Variants in ATL2 observed in about 807,000 individuals in gnomAD.
ATL2 encodes the protein atlastin-2.
In ATL2, 31 loss-of-function variants were observed where a neutral mutation model predicts 73.9. The observed-to-expected ratio is 0.42, with a 90% CI of 0.32 to 0.57. The LOEUF (loss-of-function observed/expected upper bound fraction) is 0.57, where lower values mean the gene tolerates loss of function less well. Among genes scored for constraint, ATL2 ranks in the 20% least tolerant of loss-of-function variants. The pLI is 0.14. For synonymous variants in ATL2, 291 were observed against 237.5 expected (o/e 1.23, Z -2.07); for missense variants, 738 against 702.6 (o/e 1.05, Z -0.57).
intron 2 of ATL2, among the ~76,000 whole-genome samples, chr2:38,336,762 C>T (rs1163023618): frequency 6.6e-6 from 1 of 152,280 alleles, no homozygotes; most frequent in East Asian, 1.9e-4. Context: ...ATTATCACTG[C>T]ACAGGGTTAT....
At chr2:38,378,400 C>A (rs1436824764), upstream of ATL2, among the ~76,000 whole-genome samples, 3 of 152,202 alleles carry the variant, frequency 2.0e-5, no homozygotes, top group African/African-American at 7.2e-5. Flanking sequence ...CCACCACACC[C>A]TGCTAATTTT....
intron 1 of ATL2, among the ~76,000 whole-genome samples, chr2:38,367,836 T>C (rs186691067): frequency 6.6e-6 from 1 of 151,842 alleles, no homozygotes; most frequent in African/African-American, 2.4e-5. Context: ...TTTCACCATG[T>C]TGTCCGGGCT....
At chr2:38,319,115 A>C in intron 2 of ATL2, 96 bp from the exon 3 acceptor site, 1 of 1,342,430 alleles carries the variant, frequency 7.4e-7, no homozygotes, top group Non-Finnish European at 1.0e-6. Context: ...TGGGGAAGCT[A>C]AACCCGGAAA....
intron 4 of ATL2, among the ~76,000 whole-genome samples, chr2:38,317,919 A>C (rs1302722458): frequency 1.3e-5 from 2 of 152,250 alleles, no homozygotes; most frequent in African/African-American, 4.8e-5. Context: ...AAAACCATGC[A>C]TGGAAATGTA....
chr2:38,343,135 G>A, intron 2 of ATL2, 133 bp downstream of exon 2: 2 of 829,404 alleles, frequency 2.4e-6, no homozygotes, highest in South Asian at 2.3e-5. Flanking sequence ...GTAACAGAGT[G>A]AGACCACTTA....
chr2:38,318,631 C>T lies in ATL2; in HGVS notation c.507G>A (p.Val169=). ...IDRPNGTKVA[V]LLMDTQGAFD... is the part of the protein sequence containing the mutation. ...AGGCACCCTGGGTATCCATAAGCAG[C>T]ACAGCAACCTAGGAATTTGAGAGTT... Residue 169 remains valine (V), a synonymous_variant, in exon 4 of 13, where the codon GTG becomes GTA. Coordinates refer to ENST00000378954, the MANE Select transcript of ATL2 (RefSeq NM_001135673.4). 1 of 1,598,150 alleles carries T rather than the reference C, an allele frequency of 6.3e-7. No homozygotes were observed. Among genetic ancestry groups the T allele is most frequent in the South Asian group, 1.1e-5 (1 of 87,642 alleles).
intron 2 of ATL2, among the ~76,000 whole-genome samples, chr2:38,339,841 C>T (rs772356083): frequency 2.6e-5 from 4 of 152,050 alleles, no homozygotes; most frequent in Non-Finnish European, 5.9e-5. Context: ...CAGGTGCATG[C>T]CACCGCGCCC....
intron 9 of ATL2, chr2:38,300,563 C>G: frequency 2.8e-6 from 1 of 359,242 alleles, no homozygotes; most frequent in Non-Finnish European, 5.0e-6. Flanking sequence ...AGTTATAACT[C>G]AAAGTTAGAT....
chr2:38,373,372 G>C lies in ATL2; in HGVS notation c.118+3771C>G, dbSNP rs1458426610. Reference sequence around the variant, plus strand: ...CAGCTAGCCTCTAAGTGGTTGTTTGGGGACCAATCATAAAGTTGTATGAAC... The same window carrying C: ...CAGCTAGCCTCTAAGTGGTTGTTTGCGGACCAATCATAAAGTTGTATGAAC... On this transcript the variant is annotated intron_variant, in intron 1 of 12. Coordinates refer to ENST00000378954, the MANE Select transcript of ATL2 (RefSeq NM_001135673.4). Among the ~76,000 whole-genome samples, 6 of 152,160 alleles carry C rather than the reference G, an allele frequency of 3.9e-5. No homozygotes were observed. In the East Asian group the frequency reaches 1.2e-3, roughly 29 times the overall value.
At chr2:38,334,922 T>TA (rs1553336582) in intron 2 of ATL2, among the ~76,000 whole-genome samples, 1 of 137,872 alleles carries the variant, frequency 7.3e-6, no homozygotes, top group Non-Finnish European at 1.5e-5. Flanking sequence ...ATAAATATAT[T>TA]TATATATTAT....
chr2:38,374,553 T>C (rs1671858582), intron 1 of ATL2, among the ~76,000 whole-genome samples: 1 of 152,238 alleles, frequency 6.6e-6, no homozygotes. Context: ...TCCTATGCCT[T>C]ACATTTCTGG....
chr2:38,325,699 TACACACACACA>T (rs1668598350), intron 2 of ATL2, among the ~76,000 whole-genome samples: 1 of 11,316 alleles, frequency 8.8e-5, no homozygotes, highest in African/African-American at 2.9e-4. Flanking sequence ...CACACACCAG[TACACACACACA>T]CACACACACA....
At chr2:38,335,580 G>C (rs1007621822) in intron 2 of ATL2, among the ~76,000 whole-genome samples, 4 of 152,126 alleles carry the variant, frequency 2.6e-5, no homozygotes, top group Non-Finnish European at 5.9e-5. Flanking sequence ...TGGCCCTTGA[G>C]AGCCGGAGAT....
rs1393795787 is a variant in ATL2, at chr2:38,367,258, AT to A, written c.118+9884del. Among the ~76,000 whole-genome samples the A allele has an allele frequency of 3.3e-5, 5 of 152,136 alleles. No individual in the cohort carries two copies. The East Asian group carries it at 7.7e-4, about 24-fold the overall frequency. The stretch of plus-strand genomic sequence containing the variant: ...ACCACGCTACTAGGCACTGAAACAG[AT>A]GCCCACTCTCCGACAATAAAAAGAG... On this transcript the variant is annotated intron_variant, in intron 1 of 12. Coordinates refer to ENST00000378954, the MANE Select transcript of ATL2 (RefSeq NM_001135673.4).
intron 1 of ATL2, among the ~76,000 whole-genome samples, chr2:38,366,282 A>G (rs1461363945): frequency 6.6e-6 from 1 of 152,202 alleles, no homozygotes; most frequent in Non-Finnish European, 1.5e-5. Context: ...TGAGCTCCTC[A>G]GATAATTTTT....
intron 9 of ATL2, among the ~76,000 whole-genome samples, chr2:38,301,510 A>G (rs1573426850): frequency 6.6e-6 from 1 of 152,184 alleles, no homozygotes; most frequent in Non-Finnish European, 1.5e-5. Flanking sequence ...AATCACCTAC[A>G]CCACCCCTCC....
rs1315840410 is a variant in ATL2 at position 38,296,073 on chromosome 2, A to T, written c.1673T>A (p.Ile558Lys). 6 of 1,551,562 alleles carry T rather than the reference A, an allele frequency of 3.9e-6. No homozygotes were observed. The highest frequency in any genetic ancestry group is 5.2e-6 in the Non-Finnish European group (6 of 1,146,842). Reference sequence around the variant, plus strand: ...GATAGAGTTTGTTACAGACTGCCTTATGTTTTCCTCCATCAAATTATCACC... The same window carrying T: ...GATAGAGTTTGTTACAGACTGCCTTTTGTTTTCCTCCATCAAATTATCACC... ...PLGDNLMEEN[I>K]RQSVTNSIKA... is the part of the protein sequence containing the mutation. The change falls in exon 13 of 13, where the codon ATA becomes AAA. Residue 558 changes from isoleucine (I) to lysine (K), a missense_variant. Coordinates refer to ENST00000378954, the MANE Select transcript of ATL2 (RefSeq NM_001135673.4).
intron 2 of ATL2, among the ~76,000 whole-genome samples, chr2:38,319,372 G>A (rs975146208): frequency 6.6e-6 from 1 of 152,106 alleles, no homozygotes; most frequent in Non-Finnish European, 1.5e-5. Flanking sequence ...GCTGAAGTGG[G>A]CATATCACTT....
At chr2:38,347,123 C>A (rs1427548791) in intron 1 of ATL2, among the ~76,000 whole-genome samples, 1 of 152,166 alleles carries the variant, frequency 6.6e-6, no homozygotes, top group Non-Finnish European at 1.5e-5. Flanking sequence ...CAATTTACCA[C>A]TTAGTTTCCC....
Sources: allele counts gnomAD v4.1 joint callset (sites outside exome capture counted in the v4.1 genomes callset), GRCh38; gene constraint gnomAD v4.1.1; transcripts MANE v1.5; gene names NCBI Gene and HGNC (gene_info 2026-07-23, HGNC 2026-07-21).